Variants in NOL10 observed in about 807,000 individuals in gnomAD.
NOL10 encodes H_NH0074G24.1.
A neutral mutation model predicts 103.5 loss-of-function variants in NOL10; 58 were observed. The ratio of observed to expected loss-of-function variants is 0.56; its 90% CI spans 0.45 to 0.70. The LOEUF (loss-of-function observed/expected upper bound fraction) is 0.70, where lower values mean the gene tolerates loss of function less well. Ranked by LOEUF, NOL10 falls within the 30% of genes least tolerant of loss-of-function variation. The pLI is 0.00. For synonymous variants in NOL10, 287 were observed against 282.5 expected, an observed-to-expected ratio of 1.02 and a Z score of -0.16; for missense variants, 763 against 807.3, an observed-to-expected ratio of 0.95 and a Z score of 0.67.
At position 10,689,909 on chromosome 2, in the gene NOL10, G is replaced by C. The variant is rs751248262; in HGVS notation, c.-48C>G. The C allele has an allele frequency of 3.2e-6, 5 of 1,550,684 alleles. No individual in the cohort carries two copies. The highest frequency in any genetic ancestry group is 4.4e-6 in the Non-Finnish European group (5 of 1,140,406). Reference sequence around the variant, plus strand: ...GTCCCGGGTCCTTTCCCACCAGCGTGCTCGAGCACCGTAATCCCGGGACCT... The same window carrying C: ...GTCCCGGGTCCTTTCCCACCAGCGTCCTCGAGCACCGTAATCCCGGGACCT... On this transcript the variant is annotated 5_prime_UTR_variant, in exon 1 of 21. Coordinates refer to ENST00000381685, the MANE Select transcript of NOL10 (RefSeq NM_024894.4).
intron 13 of NOL10, among the ~76,000 whole-genome samples, chr2:10,635,146 G>T (rs980072659): frequency 2.8e-4 from 43 of 152,258 alleles, no homozygotes; most frequent in African/African-American, 9.6e-4. Flanking sequence ...CAGACTGAAG[G>T]TAATTTTATA....
chr2:10,677,836 C>T (rs1216125329), intron 3 of NOL10, among the ~76,000 whole-genome samples: 2 of 120,234 alleles, frequency 1.7e-5, no homozygotes, highest in African/African-American at 7.2e-5. Context: ...AATTTTAATA[C>T]ATTTGTGTGT....
intron 9 of NOL10, among the ~76,000 whole-genome samples, chr2:10,660,221 T>C (rs72777326): frequency 0.038 from 5,785 of 152,328 alleles, 174 homozygotes; most frequent in Non-Finnish European, 0.06. Context: ...CGAAGCCTCA[T>C]ATGCACAGCA....
intron 4 of NOL10, among the ~76,000 whole-genome samples, chr2:10,674,838 A>AG (rs1466248403): frequency 1.1e-5 from 1 of 91,658 alleles, no homozygotes; most frequent in East Asian, 3.4e-4. Flanking sequence ...CTCCGTCTCC[A>AG]AAAAATAAAT....
Position 10,630,540 on chromosome 2 carries a change from G to A in NOL10, c.1026+13780C>T, listed in dbSNP as rs138810976. Among the ~76,000 whole-genome samples the A allele has an allele frequency of 5.0e-3, 756 of 152,066 alleles. 10 individuals carry two copies. Among genetic ancestry groups the A allele is most frequent in the African/African-American group, 0.017 (720 of 41,472 alleles). Reference sequence around the variant, plus strand: ...ATCTTGGCTAACACAGTGAAACCCCGTCTCTACCAAAAATACAAAAAATTA... The same window carrying A: ...ATCTTGGCTAACACAGTGAAACCCCATCTCTACCAAAAATACAAAAAATTA... On this transcript the variant is annotated intron_variant, in intron 13 of 20. Transcript: ENST00000381685.
intron 14 of NOL10, among the ~76,000 whole-genome samples, chr2:10,606,040 C>CT (rs1450772445): frequency 5.3e-5 from 8 of 152,260 alleles, no homozygotes; most frequent in Non-Finnish European, 1.0e-4. Context: ...GTAACTTCTG[C>CT]TGTAGCCCTC....
intron 1 of NOL10, among the ~76,000 whole-genome samples, chr2:10,687,156 C>A (rs1309000667): frequency 1.4e-5 from 2 of 147,976 alleles, no homozygotes; most frequent in African/African-American, 4.9e-5. Flanking sequence ...AGTTTAGGCA[C>A]CACACCTCAA....
At position 10,589,151 on chromosome 2, in the gene NOL10, C is replaced by T. The variant is rs745959341; in HGVS notation, c.1736G>A (p.Arg579Gln). Reference protein sequence around the residue: ...QQEEKVKRQERLKEDQQTVLK... With the variant: ...QQEEKVKRQEQLKEDQQTVLK... ...GACTGTCTGCTGGTCCTCCTTGAGT[C>T]GTTCCTGCCGCTTCACTTTTTCCTC... Residue 579 changes from arginine to glutamine, a missense_variant, in exon 19 of 21, where the codon CGA (arginine) becomes CAA (glutamine). By Grantham distance (43) the Arg-to-Gln change is conservative. Coordinates refer to ENST00000381685, the MANE Select transcript of NOL10 (RefSeq NM_024894.4). 3.7e-6 allele frequency: 6 copies of T among 1,613,868 alleles called. No homozygotes were observed. The highest frequency in any genetic ancestry group is 1.7e-5 in the Admixed American group (1 of 60,004).
At chr2:10,595,132 AG>A (rs150748881) in intron 17 of NOL10, among the ~76,000 whole-genome samples, 47,946 of 109,876 alleles carry the variant, frequency 0.44, 8,734 homozygotes, top group Non-Finnish European at 0.48. Flanking sequence ...AGAGGGAGGG[AG>A]GGGGAGGGGG....
Position 10,577,623 on chromosome 2 carries a change from A to G in NOL10, c.1947+13T>C, listed in dbSNP as rs1205084562. The G allele has an allele frequency of 1.3e-6, 2 of 1,584,384 alleles. No homozygotes were observed. The highest frequency in any genetic ancestry group is 1.7e-6 in the Non-Finnish European group (2 of 1,157,106). ...TTTTGTGAATTAAAAAATAACAATA[A>G]AAGACAACTCACCCTCTTTAACGTG... is the stretch of plus-strand genomic sequence containing the variant. On this transcript the variant is annotated intron_variant, in intron 20 of 20. Coordinates refer to ENST00000381685, the MANE Select transcript of NOL10 (RefSeq NM_024894.4).
intron 13 of NOL10, among the ~76,000 whole-genome samples, chr2:10,630,771 G>A (rs1331371388): frequency 6.6e-6 from 1 of 152,056 alleles, no homozygotes; most frequent in Non-Finnish European, 1.5e-5. Context: ...ACAAATTAAG[G>A]GCTGGACTAG....
Position 10,589,258 on chromosome 2 carries a change from A to G in NOL10, c.1629T>C (p.Ser543=), listed in dbSNP as rs746085353. 3.7e-6 allele frequency: 6 copies of G among 1,613,630 alleles called. No individual in the cohort carries two copies. The highest frequency in any genetic ancestry group is 5.1e-6 in the Non-Finnish European group (6 of 1,179,860). Residue 543 remains serine, a synonymous_variant, in exon 19 of 21, where the codon AGT becomes AGC. Transcript: ENST00000381685. ...EEEEEPEGKP[S]DAESSESSDD... ...CTGAACTCTCCGAACTTTCTGCATC[A>G]CTTGGTTTTCCTTCCGGCTCTTCCT... is the stretch of plus-strand genomic sequence containing the variant.
intron 13 of NOL10, among the ~76,000 whole-genome samples, chr2:10,629,836 A>AT (rs1450511183): frequency 6.6e-6 from 1 of 152,244 alleles, no homozygotes; most frequent in Non-Finnish European, 1.5e-5. Context: ...TCAACATGAT[A>AT]TTCCCTTCTA....
intron 19 of NOL10, among the ~76,000 whole-genome samples, chr2:10,584,039 T>C (rs1421008681): frequency 1.3e-5 from 2 of 152,178 alleles, no homozygotes; most frequent in South Asian, 4.1e-4. Context: ...CACCCCATGC[T>C]CTGGCTGTAG....
At chr2:10,589,365 A>T (rs1675283371) in intron 18 of NOL10, 75 bp from the exon 19 acceptor site, 1 of 1,570,534 alleles carries the variant, frequency 6.4e-7, no homozygotes, top group South Asian at 1.2e-5. Flanking sequence ...CTGAAGCAGC[A>T]CTGGCCCATT....
intron 12 of NOL10, among the ~76,000 whole-genome samples, chr2:10,647,823 AC>A (rs754835040): frequency 3.0e-4 from 46 of 152,252 alleles, no homozygotes; most frequent in Non-Finnish European, 6.2e-4. Flanking sequence ...ACTTATCAGT[AC>A]AGGTAGTCTT....
At chr2:10,647,773 T>C (rs531924332) in intron 12 of NOL10, among the ~76,000 whole-genome samples, 1 of 152,358 alleles carries the variant, frequency 6.6e-6, no homozygotes, top group Admixed American at 6.5e-5. Context: ...CAGTTTTCCA[T>C]GTATTTAGAA....
At chr2:10,644,297 A>C in intron 13 of NOL10, 23 bp downstream of exon 13, 5 of 1,463,164 alleles carry the variant, frequency 3.4e-6, no homozygotes, top group African/African-American at 2.9e-5. Flanking sequence ...ATTTTTACTG[A>C]AACTCCTCTT....
chr2:10,593,923 A>T (rs1232580448), intron 17 of NOL10, among the ~76,000 whole-genome samples: 1 of 152,196 alleles, frequency 6.6e-6, no homozygotes, highest in African/African-American at 2.4e-5. Flanking sequence ...CTAAGAGACA[A>T]TGACATGTGC....
Sources: gnomAD v4.1 joint callset for allele counts (sites outside exome capture counted in the v4.1 genomes callset) on GRCh38, gnomAD v4.1.1 for gene constraint, MANE v1.5 for transcripts, NCBI Gene and HGNC (gene_info 2026-07-23, HGNC 2026-07-21) for gene names.